COL21A1: variants seen among roughly 807,000 people sequenced by gnomAD.
COL21A1 encodes the protein collagen type XXI alpha 1 chain, also known as collagen alpha-1(XXI) chain.
A neutral mutation model predicts 137.9 loss-of-function variants in COL21A1; 149 were observed. The observed-to-expected ratio is 1.08, with a 90% CI of 0.95 to 1.24. The LOEUF is 1.24. COL21A1 is among the 50% of genes most tolerant of loss of function. The probability of loss-of-function intolerance (pLI) is 0.00; values close to 1 mark genes in which losing one functional copy is unlikely to be tolerated. For missense variants in COL21A1, 1,167 were observed against 1,158.4 expected (o/e 1.01, Z -0.11); for synonymous variants, 456 against 391.5 (o/e 1.16, Z -1.95).
At chr6:56,095,110 T>G (rs1357332204) in intron 17 of COL21A1, among the ~76,000 whole-genome samples, 1 of 152,200 alleles carries the variant, frequency 6.6e-6, no homozygotes, top group Non-Finnish European at 1.5e-5. Flanking sequence ...TATTGAAATT[T>G]TATTAATTTC....
chr6:56,381,066 A>G (rs2094007844), intron 1 of COL21A1, among the ~76,000 whole-genome samples: 1 of 152,094 alleles, frequency 6.6e-6, no homozygotes, highest in Admixed American at 6.5e-5. Flanking sequence ...TCGCTAATTC[A>G]GGTTTCTCAG....
At chr6:56,322,047 G>C (rs1764881832) in intron 1 of COL21A1, among the ~76,000 whole-genome samples, 1 of 151,988 alleles carries the variant, frequency 6.6e-6, no homozygotes. Flanking sequence ...TAAGTGGTTG[G>C]ACTGAGAAAA....
chr6:56,240,203 C>T lies in COL21A1; in HGVS notation c.-39+7184G>A, dbSNP rs1439003618. On this transcript the variant is annotated intron_variant, in intron 1 of 29. Transcript: ENST00000244728. ...ATAAACTACCCAGTCTCAGGTATGT[C>T]TTTATCAGCAGTGTGAGAACAGAAT... is the stretch of plus-strand genomic sequence containing the variant. 2.1e-5 allele frequency among the ~76,000 whole-genome samples: 3 copies of T among 145,232 alleles called. No homozygotes were observed. The Admixed American group carries it at 2.1e-4, about 10-fold the overall frequency.
intron 16 of COL21A1, among the ~76,000 whole-genome samples, chr6:56,106,839 T>G (rs1582372578): frequency 6.6e-6 from 1 of 151,816 alleles, no homozygotes; most frequent in African/African-American, 2.4e-5. Context: ...CAGGCTGGAG[T>G]GCAGTGGCGC....
At chr6:56,208,672 A>G (rs1255831731) in intron 1 of COL21A1, among the ~76,000 whole-genome samples, 1 of 152,162 alleles carries the variant, frequency 6.6e-6, no homozygotes, top group African/African-American at 2.4e-5. Context: ...AGAAAACACT[A>G]TGTTAAATTT....
In COL21A1 at chr6:56,179,981, A is replaced by G; in HGVS notation, c.237T>C (p.Val79=). ...CCAGCACAGGGTAGTCACTATATTGAACCACTCCAACTTGAATAAACTTCG... is the reference window on the plus strand; with the variant it reads ...CCAGCACAGGGTAGTCACTATATTGGACCACTCCAACTTGAATAAACTTCG... ...IGPKFIQVGV[V]QYSDYPVLEI... The change falls in exon 3 of 30, where the codon GTT becomes GTC. Residue 79 remains valine (V), a synonymous_variant. Transcript: ENST00000244728. The G allele has an allele frequency of 6.2e-7, 1 of 1,613,878 alleles. No homozygotes were observed. Among genetic ancestry groups the G allele is most frequent in the Non-Finnish European group, 8.5e-7 (1 of 1,179,852 alleles).
chr6:56,137,217 C>G (rs1227770437), intron 12 of COL21A1, among the ~76,000 whole-genome samples: 2 of 152,186 alleles, frequency 1.3e-5, no homozygotes, highest in Middle Eastern at 3.4e-3. Flanking sequence ...ACTTACTGTA[C>G]TAATCCCACA....
intron 1 of COL21A1, chr6:56,276,766 T>A: frequency 8.2e-7 from 1 of 1,216,170 alleles, no homozygotes; most frequent in Non-Finnish European, 1.2e-6. Context: ...ATCTCTACTT[T>A]ATTTGCTAAT....
intron 1 of COL21A1, among the ~76,000 whole-genome samples, chr6:56,227,675 A>G (rs536871566): frequency 6.6e-6 from 1 of 152,218 alleles, no homozygotes; most frequent in African/African-American, 2.4e-5. Flanking sequence ...CAATATGCAC[A>G]GTCATCTACT....
chr6:56,170,187 TA>T (rs1286877321), intron 5 of COL21A1, among the ~76,000 whole-genome samples: 2 of 151,960 alleles, frequency 1.3e-5, no homozygotes, highest in Non-Finnish European at 2.9e-5. Flanking sequence ...TGGTATTTAA[TA>T]TTCTAACAGA....
intron 1 of COL21A1, among the ~76,000 whole-genome samples, chr6:56,336,684 T>C (rs1019387120): frequency 6.6e-6 from 1 of 152,200 alleles, no homozygotes; most frequent in African/African-American, 2.4e-5. Context: ...GAAAACAGTT[T>C]TTCTTAAGGA....
intron 1 of COL21A1, among the ~76,000 whole-genome samples, chr6:56,257,670 G>A (rs1051564897): frequency 6.6e-6 from 1 of 152,004 alleles, no homozygotes; most frequent in Non-Finnish European, 1.5e-5. Context: ...TGTGAAAGCA[G>A]CCACAGAAAA....
intron 13 of COL21A1, 60 bp from the exon 14 acceptor site, chr6:56,125,680 A>G: frequency 1.8e-6 from 2 of 1,107,420 alleles, no homozygotes; most frequent in Non-Finnish European, 2.5e-6. Flanking sequence ...TCTTATAAAG[A>G]AAAAATACAG....
intron 17 of COL21A1, among the ~76,000 whole-genome samples, chr6:56,081,427 G>A (rs1767756059): frequency 6.6e-6 from 1 of 151,596 alleles, no homozygotes; most frequent in Non-Finnish European, 1.5e-5. Context: ...TGATTACAGA[G>A]TAATACTATC....
chr6:56,134,190 C>T (rs759395663), intron 12 of COL21A1, among the ~76,000 whole-genome samples: 1 of 152,180 alleles, frequency 6.6e-6, no homozygotes, highest in Non-Finnish European at 1.5e-5. Context: ...GCTACAGAAG[C>T]AGAGCTGCCC....
intron 17 of COL21A1, among the ~76,000 whole-genome samples, chr6:56,091,152 T>C (rs1334810547): frequency 2.0e-5 from 3 of 152,226 alleles, no homozygotes; most frequent in African/African-American, 7.2e-5. Flanking sequence ...ATCATTAATG[T>C]TCCCCAATAA....
At chr6:56,157,159 A>G (rs1245120625) in intron 9 of COL21A1, among the ~76,000 whole-genome samples, 2 of 152,146 alleles carry the variant, frequency 1.3e-5, no homozygotes, top group African/African-American at 4.8e-5. Flanking sequence ...TTATGTGACC[A>G]CACCAAGTAT....
chr6:56,119,275 C>A (rs1772237476), intron 16 of COL21A1, among the ~76,000 whole-genome samples: 1 of 152,010 alleles, frequency 6.6e-6, no homozygotes, highest in South Asian at 2.1e-4. Context: ...TCTCTATATG[C>A]CAATGGTGAA....
At chr6:56,319,548 G>A (rs935136317) in intron 1 of COL21A1, among the ~76,000 whole-genome samples, 5 of 152,132 alleles carry the variant, frequency 3.3e-5, no homozygotes, top group African/African-American at 1.2e-4. Context: ...ATGTTGTCCA[G>A]GCTGGTCTCA....
Sources: gnomAD v4.1 joint callset for allele counts (sites outside exome capture counted in the v4.1 genomes callset) on GRCh38, gnomAD v4.1.1 for gene constraint, MANE v1.5 for transcripts, NCBI Gene and HGNC (gene_info 2026-07-23, HGNC 2026-07-21) for gene names.